The following DLGAP4 variants were observed in gnomAD, a reference collection of about 807,000 sequenced individuals.
DLGAP4 encodes disks large-associated protein 4.
DLGAP4 carries 18 observed loss-of-function variants against 86.9 expected under a neutral mutation model. That is an observed-to-expected ratio of 0.21 (90% confidence interval 0.14 to 0.31). The LOEUF (loss-of-function observed/expected upper bound fraction) is 0.31, where lower values mean the gene tolerates loss of function less well. Ranked by LOEUF, DLGAP4 falls within the 10% of genes least tolerant of loss-of-function variation. DLGAP4 has a pLI of 1.00. For missense variants in DLGAP4, 1,085 were observed against 1,362.6 expected, an observed-to-expected ratio of 0.80 and a Z score of 3.21; for synonymous variants, 548 against 574.3, an observed-to-expected ratio of 0.95 and a Z score of 0.65.
intron 1 of DLGAP4, among the ~76,000 whole-genome samples, chr20:36,365,700 A>G (rs2030662519): frequency 6.6e-6 from 1 of 152,218 alleles, no homozygotes; most frequent in African/African-American, 2.4e-5. Flanking sequence ...GGCACTGAGT[A>G]GATTCTGGAG....
At position 36,528,249 on chromosome 20, in the gene DLGAP4, T is replaced by G. The variant is rs2037891574; in HGVS notation, c.*1218T>G. On this transcript the variant is annotated 3_prime_UTR_variant, in exon 13 of 13. Coordinates refer to ENST00000339266, the MANE Select transcript of DLGAP4 (RefSeq NM_001365621.2). ...TTTTTTAACCCCAATTATCCTTCTC[T>G]CTCTCCTGCCCCCGCATCCCACTCC... is the stretch of plus-strand genomic sequence containing the variant. The G allele has an allele frequency of 6.6e-6, 1 of 151,040 alleles. No individual in the cohort carries two copies. The highest frequency in any genetic ancestry group is 1.5e-5 in the Non-Finnish European group (1 of 67,820). The allele number at this position is 151,040 out of a possible 1,614,324, so 9.4% of individuals were successfully genotyped here. A position where few individuals can be genotyped will look rare whatever the true frequency, so the allele number is the denominator to read the frequency against.
rs1172429767 is a variant in DLGAP4 at position 36,431,444 on chromosome 20, C to G, written c.-72-202C>G. On this transcript the variant is annotated intron_variant, in intron 2 of 12. Coordinates refer to ENST00000339266, the MANE Select transcript of DLGAP4 (RefSeq NM_001365621.2). This position sits in a 1 kb window ranked among gnomAD's most constrained non-coding sequence, Gnocchi z 5.1. ...GAAGAATGGAAGATGTTGTGCTTGT[C>G]TGATAGTCGGTAGCTTGAGTTGTAA... is the stretch of plus-strand genomic sequence containing the variant. Among the ~76,000 whole-genome samples, 1 of 152,104 alleles carries G rather than the reference C, an allele frequency of 6.6e-6. No homozygotes were observed. The highest frequency in any genetic ancestry group is 2.4e-5 in the African/African-American group (1 of 41,400).
chr20:36,359,509 G>A, intron 1 of DLGAP4, among the ~76,000 whole-genome samples: 1 of 152,290 alleles, frequency 6.6e-6, no homozygotes, highest in East Asian at 1.9e-4. Flanking sequence ...CTTAGGGAGA[G>A]ATCTGGGGCT....
At chr20:36,512,511 T>C (rs1013496114) in intron 10 of DLGAP4, 1 of 152,284 alleles carries the variant, frequency 6.6e-6, no homozygotes, top group African/African-American at 2.4e-5. Flanking sequence ...TTGTAGCTTC[T>C]GGGGATGTCG....
In DLGAP4 at chr20:36,335,218, G is replaced by A. The variant is rs539126834; in HGVS notation, c.-304+28706G>A. Among the ~76,000 whole-genome samples, 174 of 152,204 alleles carry A rather than the reference G, an allele frequency of 1.1e-3. 1 individual carries two copies. The highest frequency in any genetic ancestry group is 2.1e-3 in the Non-Finnish European group (140 of 68,016). ...CCGTTGAGACCATGGTACAGCCACC[G>A]CCAGGCCTCAGTTCTCTGCCTGTGA... On this transcript the variant is annotated intron_variant, in intron 1 of 12. Coordinates refer to ENST00000339266, the MANE Select transcript of DLGAP4 (RefSeq NM_001365621.2).
At chr20:36,420,190 C>T (rs923050187) in intron 2 of DLGAP4, among the ~76,000 whole-genome samples, 3 of 152,204 alleles carry the variant, frequency 2.0e-5, no homozygotes, top group Admixed American at 6.5e-5. Flanking sequence ...ACACAATCTT[C>T]ATGAACACCT....
intron 7 of DLGAP4, among the ~76,000 whole-genome samples, chr20:36,470,280 T>G (rs754451914): frequency 6.6e-6 from 1 of 152,162 alleles, no homozygotes; most frequent in Non-Finnish European, 1.5e-5. Context: ...TCCCACAGTC[T>G]TCCCTGGCAC....
chr20:36,424,779 A>T (rs1600511823), intron 2 of DLGAP4, among the ~76,000 whole-genome samples: 1 of 147,768 alleles, frequency 6.8e-6, no homozygotes. Context: ...TCTGTCACTC[A>T]GTCTGGAGTG....
intron 11 of DLGAP4, chr20:36,525,506 A>G: frequency 2.9e-6 from 1 of 350,764 alleles, no homozygotes; most frequent in Non-Finnish European, 5.4e-6. Context: ...CCCACCTGGG[A>G]GTGAATCGGG....
chr20:36,492,385 A>C (rs1408092842), intron 7 of DLGAP4: 1 of 152,242 alleles, frequency 6.6e-6, no homozygotes, highest in East Asian at 1.9e-4. Context: ...AGATCAGCTC[A>C]CTTTCCTCTT....
chr20:36,416,365 A>G (rs2032654060), intron 2 of DLGAP4, among the ~76,000 whole-genome samples: 1 of 152,188 alleles, frequency 6.6e-6, no homozygotes, highest in South Asian at 2.1e-4. Context: ...CAAGAGACCC[A>G]CCTGCCTTGG....
At chr20:36,513,795 C>T (rs2036872791) in intron 10 of DLGAP4, among the ~76,000 whole-genome samples, 1 of 152,062 alleles carries the variant, frequency 6.6e-6, no homozygotes, top group South Asian at 2.1e-4. Context: ...GGCTTGGAGT[C>T]TGAGTGAAGA....
intron 7 of DLGAP4, among the ~76,000 whole-genome samples, chr20:36,463,429 G>T (rs1209071861): frequency 2.6e-5 from 4 of 152,158 alleles, no homozygotes; most frequent in African/African-American, 9.7e-5. Flanking sequence ...GCTGGCTCCT[G>T]CCAGAGCTGG....
intron 7 of DLGAP4, among the ~76,000 whole-genome samples, chr20:36,489,112 A>C (rs2035549003): frequency 6.6e-6 from 1 of 152,210 alleles, no homozygotes; most frequent in Non-Finnish European, 1.5e-5. Flanking sequence ...GACCTGCGAA[A>C]GGACACTTGT....
chr20:36,466,980 T>TCTCTGTCTCTCTC (rs2034398924), intron 7 of DLGAP4, among the ~76,000 whole-genome samples: 1 of 149,404 alleles, frequency 6.7e-6, no homozygotes, highest in Non-Finnish European at 1.5e-5. Flanking sequence ...CTCTCCTCTC[T>TCTCTGTCTCTCTC]CTCTCTCTCT....
intron 7 of DLGAP4, among the ~76,000 whole-genome samples, chr20:36,492,159 G>A (rs2035692450): frequency 6.6e-6 from 1 of 152,202 alleles, no homozygotes; most frequent in Admixed American, 6.5e-5. Flanking sequence ...AGGTGGGGGT[G>A]AGGTATTTCC....
chr20:36,454,336 C>A (rs1427686585), intron 7 of DLGAP4, among the ~76,000 whole-genome samples: 1 of 152,058 alleles, frequency 6.6e-6, no homozygotes, highest in Non-Finnish European at 1.5e-5. Flanking sequence ...TGTCATGTCA[C>A]ACTTTTTGTT....
intron 1 of DLGAP4, among the ~76,000 whole-genome samples, chr20:36,321,155 A>G (rs1317130057): frequency 6.6e-6 from 1 of 152,148 alleles, no homozygotes; most frequent in Non-Finnish European, 1.5e-5. Flanking sequence ...ATGGTCAGGG[A>G]AGGCTTCTCG....
At chr20:36,314,988 G>A (rs1486714618) in intron 1 of DLGAP4, among the ~76,000 whole-genome samples, 7 of 141,612 alleles carry the variant, frequency 4.9e-5, no homozygotes, top group Non-Finnish European at 9.2e-5. Context: ...TGTGGTGTGT[G>A]TGTTATGTAT....
Sources: gnomAD v4.1 joint callset for allele counts (sites outside exome capture counted in the v4.1 genomes callset) on GRCh38, gnomAD v4.1.1 for gene constraint, Gnocchi (gnomAD v3.1) non-coding constraint, MANE v1.5 for transcripts, NCBI Gene and HGNC (gene_info 2026-07-23, HGNC 2026-07-21) for gene names.